CCDC146: variants seen among roughly 807,000 people sequenced by gnomAD.
CCDC146 encodes coiled-coil domain-containing protein 146.
In CCDC146, 92 loss-of-function variants were observed where a neutral mutation model predicts 119.3. The ratio of observed to expected loss-of-function variants is 0.77; its 90% CI spans 0.65 to 0.92. The LOEUF is 0.92. CCDC146 is among the 40% of genes least tolerant of loss of function. CCDC146 has a pLI of 0.00. For missense variants in CCDC146, 1,000 were observed against 1,103.0 expected, an observed-to-expected ratio of 0.91 and a Z score of 1.32; for synonymous variants, 372 against 371.8, an observed-to-expected ratio of 1.00 and a Z score of -0.01.
At chr7:77,292,680 T>C (rs540612845) in intron 17 of CCDC146, among the ~76,000 whole-genome samples, 6 of 151,172 alleles carry the variant, frequency 4.0e-5, no homozygotes, top group Admixed American at 1.3e-4. Flanking sequence ...AAATGGGCAC[T>C]AAACTGTTCT....
chr7:77,267,620 G>C (rs6959124), intron 9 of CCDC146, among the ~76,000 whole-genome samples: 12 of 151,144 alleles, frequency 7.9e-5, no homozygotes, highest in African/African-American at 2.9e-4. Flanking sequence ...CTGTATACAC[G>C]GTATTCTCAT....
chr7:77,261,543 T>C (rs1793297751), intron 8 of CCDC146, among the ~76,000 whole-genome samples: 2 of 152,200 alleles, frequency 1.3e-5, no homozygotes, highest in African/African-American at 2.4e-5. Context: ...AGTGGCGCAA[T>C]CTCGGCTCAC....
chr7:77,245,863 C>T (rs1415676505), intron 4 of CCDC146, among the ~76,000 whole-genome samples: 1 of 93,356 alleles, frequency 1.1e-5, no homozygotes, highest in African/African-American at 2.8e-5. Context: ...CAGATTTTAC[C>T]TTAACTTAAA....
intron 2 of CCDC146, among the ~76,000 whole-genome samples, chr7:77,179,373 C>T (rs1230982304): frequency 6.6e-6 from 1 of 151,990 alleles, no homozygotes; most frequent in East Asian, 1.9e-4. Flanking sequence ...ATCTAAACTC[C>T]CCCTCCCAAG....
At chr7:77,242,916 G>T (rs1269421427) in intron 4 of CCDC146, among the ~76,000 whole-genome samples, 2 of 152,026 alleles carry the variant, frequency 1.3e-5, no homozygotes, top group African/African-American at 4.8e-5. Flanking sequence ...AATAAAGAAG[G>T]TCAGTTTAAT....
chr7:77,193,671 A>G (rs1002805227), intron 2 of CCDC146: 1 of 152,104 alleles, frequency 6.6e-6, no homozygotes, highest in Non-Finnish European at 1.5e-5. Context: ...GAGCATTACT[A>G]TTATCAGTAA....
At chr7:77,186,734 G>A (rs954500755) in intron 2 of CCDC146, among the ~76,000 whole-genome samples, 1 of 152,124 alleles carries the variant, frequency 6.6e-6, no homozygotes, top group Non-Finnish European at 1.5e-5. Context: ...AACAATTCAC[G>A]AATCAGGCAG....
chr7:77,197,635 A>G (rs1347809427), intron 2 of CCDC146, among the ~76,000 whole-genome samples: 1 of 152,248 alleles, frequency 6.6e-6, no homozygotes, highest in African/African-American at 2.4e-5. Context: ...AGAAGGTTTT[A>G]TAGCATATAT....
At chr7:77,157,531 A>G (rs1284044275) in intron 1 of CCDC146, among the ~76,000 whole-genome samples, 1 of 152,190 alleles carries the variant, frequency 6.6e-6, no homozygotes, top group Non-Finnish European at 1.5e-5. Flanking sequence ...GGAATTACTG[A>G]TGTGTATTAC....
chr7:77,174,856 T>A (rs927624096), intron 2 of CCDC146, among the ~76,000 whole-genome samples: 1 of 152,230 alleles, frequency 6.6e-6, no homozygotes, highest in African/African-American at 2.4e-5. Flanking sequence ...TACTTAAGAA[T>A]GAACTTATCT....
intron 2 of CCDC146, among the ~76,000 whole-genome samples, chr7:77,171,841 A>G (rs1364607597): frequency 1.3e-5 from 2 of 152,252 alleles, no homozygotes; most frequent in Non-Finnish European, 2.9e-5. Context: ...AGGTTTTCTA[A>G]GCCAAAGATT....
intron 1 of CCDC146, among the ~76,000 whole-genome samples, chr7:77,145,716 A>G (rs1791007087): frequency 1.3e-5 from 2 of 152,210 alleles, no homozygotes; most frequent in African/African-American, 4.8e-5. Flanking sequence ...GTTTCCATGT[A>G]GTTGAGCGGT....
At chr7:77,166,857 T>G in intron 1 of CCDC146, among the ~76,000 whole-genome samples, 1 of 152,088 alleles carries the variant, frequency 6.6e-6, no homozygotes, top group East Asian at 1.9e-4. Context: ...GGAAAAAAAT[T>G]TTCGAAGCTG....
At chr7:77,135,463 G>C (rs1790848626) in intron 1 of CCDC146, among the ~76,000 whole-genome samples, 1 of 151,928 alleles carries the variant, frequency 6.6e-6, no homozygotes. Flanking sequence ...AAAAAAGAGA[G>C]AGAAAGAAAG....
intron 18 of CCDC146, among the ~76,000 whole-genome samples, chr7:77,293,538 C>T (rs1793990987): frequency 6.6e-6 from 1 of 152,340 alleles, no homozygotes. Flanking sequence ...TGTCTTGGCA[C>T]CTCTGCTCAG....
intron 1 of CCDC146, among the ~76,000 whole-genome samples, chr7:77,159,545 T>G (rs1019577456): frequency 2.0e-4 from 31 of 152,196 alleles, no homozygotes; most frequent in African/African-American, 7.0e-4. Flanking sequence ...CCATGGAAAT[T>G]TATGTTGTTT....
chr7:77,218,490 C>T (rs1279105127), intron 2 of CCDC146, among the ~76,000 whole-genome samples: 1 of 151,968 alleles, frequency 6.6e-6, no homozygotes, highest in East Asian at 1.9e-4. Flanking sequence ...CTTATGGTAG[C>T]TCTGAAAGTC....
intron 2 of CCDC146, among the ~76,000 whole-genome samples, chr7:77,201,153 A>T (rs900611804): frequency 3.9e-5 from 6 of 152,160 alleles, no homozygotes; most frequent in African/African-American, 1.4e-4. Flanking sequence ...TGATCATGTA[A>T]ACAGATCATC....
chr7:77,146,268 T>C (rs1412665406), intron 1 of CCDC146, among the ~76,000 whole-genome samples: 4 of 152,118 alleles, frequency 2.6e-5, no homozygotes, highest in Non-Finnish European at 4.4e-5. Context: ...AATTGCTTGG[T>C]AGATCTTCCT....
Sources: gnomAD v4.1 joint callset for allele counts (sites outside exome capture counted in the v4.1 genomes callset) on GRCh38, gnomAD v4.1.1 for gene constraint, MANE v1.5 for transcripts, NCBI Gene and HGNC (gene_info 2026-07-23, HGNC 2026-07-21) for gene names.